The following FAM222B variants were observed in gnomAD, a reference collection of about 807,000 sequenced individuals.
FAM222B encodes protein FAM222B.
Under a neutral mutation model 38.0 loss-of-function variants are expected in FAM222B, and 12 were observed. The ratio of observed to expected loss-of-function variants is 0.32; its 90% CI spans 0.20 to 0.51. FAM222B has a LOEUF of 0.51. FAM222B is among the 20% of genes least tolerant of loss of function. The pLI is 0.97. For synonymous variants in FAM222B, 329 were observed against 317.2 expected (o/e 1.04, Z -0.40); for missense variants, 716 against 754.2 (o/e 0.95, Z 0.59).
chr17:28,834,328 T>C (rs577906192), intron 1 of FAM222B: 1 of 152,322 alleles, frequency 6.6e-6, no homozygotes, highest in African/African-American at 2.4e-5. Flanking sequence ...CCTCAGCACC[T>C]ACAAAATAAA....
At chr17:28,807,961 C>T (rs1164707630) in intron 1 of FAM222B, among the ~76,000 whole-genome samples, 2 of 152,220 alleles carry the variant, frequency 1.3e-5, no homozygotes, top group Admixed American at 6.5e-5. Context: ...CAATCTCATA[C>T]CTCCTGCAGT....
At chr17:28,769,517 TC>T (rs1372762183) in intron 1 of FAM222B, among the ~76,000 whole-genome samples, 1 of 152,126 alleles carries the variant, frequency 6.6e-6, no homozygotes, top group Non-Finnish European at 1.5e-5. Flanking sequence ...CAGGATGGTC[TC>T]GATCTCTTGA....
intron 1 of FAM222B, among the ~76,000 whole-genome samples, chr17:28,829,470 C>T (rs991508864): frequency 4.6e-5 from 7 of 152,158 alleles, no homozygotes; most frequent in African/African-American, 1.7e-4. Context: ...CTGCGCCCGG[C>T]CCACTGTCTC....
chr17:28,800,853 GAAA>G lies in FAM222B; in HGVS notation c.-40-34149_-40-34147del, dbSNP rs534314851. ...TAAGCTACTAGTTCCACATTTTGTT[GAAA>G]AAAAAAAAAAAAAAAAAAGTTGGCC... is the stretch of plus-strand genomic sequence containing the variant. On this transcript the variant is annotated intron_variant, in intron 1 of 2. Transcript: ENST00000581407. 3.6e-5 allele frequency among the ~76,000 whole-genome samples: 4 copies of G among 111,054 alleles called. No homozygotes were observed. The South Asian group carries it at 9.0e-4, about 25-fold the overall frequency. 72.9% of individuals were successfully genotyped at this position (111,054 alleles called of 152,430 possible).
At chr17:28,783,955 C>A (rs974086080) in intron 1 of FAM222B, among the ~76,000 whole-genome samples, 1 of 151,396 alleles carries the variant, frequency 6.6e-6, no homozygotes, top group African/African-American at 2.4e-5. Context: ...CCTGCCACCA[C>A]GCCTGGTTAA....
intron 1 of FAM222B, among the ~76,000 whole-genome samples, chr17:28,824,964 C>T (rs1226338435): frequency 6.6e-6 from 1 of 152,084 alleles, no homozygotes. Flanking sequence ...GGGGTTTCTC[C>T]ATGTTGGTCT....
chr17:28,836,290 A>G (rs950503165), intron 1 of FAM222B, among the ~76,000 whole-genome samples: 1 of 151,518 alleles, frequency 6.6e-6, no homozygotes, highest in East Asian at 2.0e-4. Context: ...GCCTGGCCCT[A>G]AATCACTTCT....
At chr17:28,845,127 C>T (rs972089845), upstream of FAM222B, among the ~76,000 whole-genome samples, 1 of 148,182 alleles carries the variant, frequency 6.7e-6, no homozygotes. Flanking sequence ...TAGGGCCGGG[C>T]GCGGTGGCTC....
intron 1 of FAM222B, among the ~76,000 whole-genome samples, chr17:28,806,081 G>C (rs978998543): frequency 8.5e-5 from 13 of 152,066 alleles, no homozygotes; most frequent in African/African-American, 2.9e-4. Context: ...GAACCTGGGA[G>C]GTGGACATTG....
chr17:28,770,267 A>G (rs2035559828), intron 1 of FAM222B, among the ~76,000 whole-genome samples: 1 of 152,208 alleles, frequency 6.6e-6, no homozygotes, highest in Non-Finnish European at 1.5e-5. Context: ...ACTGTTGACC[A>G]TATAAAAGGC....
intron 1 of FAM222B, among the ~76,000 whole-genome samples, chr17:28,768,204 A>G (rs1438150986): frequency 6.6e-6 from 1 of 152,198 alleles, no homozygotes; most frequent in East Asian, 1.9e-4. Flanking sequence ...ATGGCTTTAG[A>G]TCACAGCAAA....
chr17:28,801,655 A>G (rs973469515), intron 1 of FAM222B, among the ~76,000 whole-genome samples: 1 of 152,062 alleles, frequency 6.6e-6, no homozygotes, highest in Non-Finnish European at 1.5e-5. Flanking sequence ...AACCATTCCC[A>G]GCTGAATAGC....
At chr17:28,805,192 T>C (rs1185542306) in intron 1 of FAM222B, among the ~76,000 whole-genome samples, 2 of 152,078 alleles carry the variant, frequency 1.3e-5, no homozygotes, top group East Asian at 3.9e-4. Flanking sequence ...ACCCCGTCTC[T>C]ATAAAAAATG....
chr17:28,813,652 A>AAGTAGCTGG (rs2037901557), intron 1 of FAM222B, among the ~76,000 whole-genome samples: 1 of 151,220 alleles, frequency 6.6e-6, no homozygotes, highest in Non-Finnish European at 1.5e-5. Context: ...TGAGCCTCCC[A>AAGTAGCTGG]AGTAGCTGGA....
At chr17:28,836,712 A>G (rs1282427758) in intron 1 of FAM222B, among the ~76,000 whole-genome samples, 2 of 152,174 alleles carry the variant, frequency 1.3e-5, no homozygotes, top group African/African-American at 4.8e-5. Flanking sequence ...TCTGTAATCT[A>G]TAGATAACAT....
intron 1 of FAM222B, among the ~76,000 whole-genome samples, chr17:28,794,850 CG>C (rs1431675905): frequency 1.3e-5 from 2 of 151,822 alleles, no homozygotes; most frequent in Admixed American, 6.6e-5. Flanking sequence ...CCCAGCACTT[CG>C]GGAGGCTGAG....
intron 1 of FAM222B, among the ~76,000 whole-genome samples, chr17:28,814,493 G>A (rs1170375630): frequency 6.6e-6 from 1 of 152,116 alleles, no homozygotes; most frequent in Non-Finnish European, 1.5e-5. Flanking sequence ...GTTTCGCTCT[G>A]TTTCCCAAGC....
chr17:28,762,747 G>A (rs529178021), intron 2 of FAM222B, among the ~76,000 whole-genome samples: 1 of 151,390 alleles, frequency 6.6e-6, no homozygotes, highest in Admixed American at 6.6e-5. Flanking sequence ...GACCAGCCTG[G>A]CCAAGATGGA....
intron 1 of FAM222B, 36 bp from the exon 2 acceptor site, chr17:28,766,743 G>A (rs1049922867): frequency 9.0e-6 from 11 of 1,218,958 alleles, no homozygotes; most frequent in Non-Finnish European, 1.3e-5. Context: ...GAAACACAAG[G>A]CAACTCATTC....
Sources: gnomAD v4.1 joint callset for allele counts (sites outside exome capture counted in the v4.1 genomes callset) on GRCh38, gnomAD v4.1.1 for gene constraint, MANE v1.5 for transcripts, NCBI Gene and HGNC (gene_info 2026-07-23, HGNC 2026-07-21) for gene names.